Variants in CDC42BPB observed in about 807,000 individuals in gnomAD.
CDC42BPB encodes the protein serine/threonine-protein kinase MRCK beta.
Under a neutral mutation model 214.9 loss-of-function variants are expected in CDC42BPB, and 37 were observed. The ratio of observed to expected loss-of-function variants is 0.17; its 90% CI spans 0.13 to 0.23. CDC42BPB has a LOEUF of 0.23. Among genes scored for constraint, CDC42BPB ranks in the 10% least tolerant of loss-of-function variants. The probability of loss-of-function intolerance (pLI) is 1.00; values close to 1 mark genes in which losing one functional copy is unlikely to be tolerated. For missense variants in CDC42BPB, 1,694 were observed against 2,227.0 expected (o/e 0.76, Z 4.82); for synonymous variants, 931 against 884.0 (o/e 1.05, Z -0.94).
intron 28 of CDC42BPB, 117 bp from the exon 29 acceptor site, chr14:102,945,841 A>AC (rs1407415966): frequency 1.2e-6 from 1 of 832,242 alleles, no homozygotes. Flanking sequence ...GGATGAGAAT[A>AC]CAGCATTCCA....
chr14:103,036,991 T>G (rs562352381), intron 1 of CDC42BPB, among the ~76,000 whole-genome samples: 26 of 150,896 alleles, frequency 1.7e-4, no homozygotes, highest in African/African-American at 4.4e-4. Context: ...AATTTTTGTG[T>G]TTTTTTTTGT....
intron 26 of CDC42BPB, among the ~76,000 whole-genome samples, chr14:102,949,325 C>T (rs1892370514): frequency 1.3e-5 from 2 of 152,232 alleles, no homozygotes; most frequent in Admixed American, 6.5e-5. Flanking sequence ...ACATAGCAAA[C>T]GCTACGGCCA....
chr14:102,978,290 C>G (rs1893847828), intron 8 of CDC42BPB, 85 bp from the exon 9 acceptor site: 1 of 1,584,668 alleles, frequency 6.3e-7, no homozygotes, highest in South Asian at 1.2e-5. Flanking sequence ...GTCATGGTGA[C>G]AGGAGGCACT....
intron 6 of CDC42BPB, among the ~76,000 whole-genome samples, chr14:102,984,285 T>A (rs531298079): frequency 6.6e-6 from 1 of 152,162 alleles, no homozygotes; most frequent in African/African-American, 2.4e-5. Flanking sequence ...CTGATTTTCA[T>A]GTGCAGCACG....
chr14:103,051,579 C>A (rs1345919603), intron 1 of CDC42BPB, among the ~76,000 whole-genome samples: 2 of 152,202 alleles, frequency 1.3e-5, no homozygotes, highest in Admixed American at 1.3e-4. Context: ...TCTAAGGGCA[C>A]CTGGCTTGCG....
At chr14:102,973,157 C>T (rs965734095) in intron 12 of CDC42BPB, among the ~76,000 whole-genome samples, 1 of 152,220 alleles carries the variant, frequency 6.6e-6, no homozygotes, top group Admixed American at 6.5e-5. Context: ...AAGGGGAGGC[C>T]TCCCCAGGCC....
intron 21 of CDC42BPB, among the ~76,000 whole-genome samples, chr14:102,956,889 C>A (rs1192099830): frequency 6.7e-6 from 1 of 148,696 alleles, no homozygotes; most frequent in Non-Finnish European, 1.5e-5. Context: ...ATTTATAAAT[C>A]AATTATGGGC....
chr14:102,942,418 T>A (rs571863710), intron 30 of CDC42BPB, among the ~76,000 whole-genome samples: 1 of 152,214 alleles, frequency 6.6e-6, no homozygotes, highest in South Asian at 2.1e-4. Flanking sequence ...TGAGGGAGAA[T>A]GTCATTCCCC....
intron 1 of CDC42BPB, among the ~76,000 whole-genome samples, chr14:103,046,767 C>A (rs925108958): frequency 3.7e-4 from 56 of 152,042 alleles, no homozygotes; most frequent in African/African-American, 1.2e-3. Flanking sequence ...GATTCTCCTG[C>A]CTCAGCCACA....
chr14:102,966,976 A>G (rs1893235769), intron 17 of CDC42BPB, 70 bp downstream of exon 17: 1 of 1,548,484 alleles, frequency 6.5e-7, no homozygotes, highest in Non-Finnish European at 8.8e-7. Context: ...ATCAGGCAGA[A>G]GAGGCGGGGC....
Position 102,947,720 on chromosome 14 carries a change from C to T in CDC42BPB, c.3531+1G>A. 6.2e-7 allele frequency: 1 copy of T among 1,607,846 alleles called. No homozygotes were observed. The highest frequency in any genetic ancestry group is 8.5e-7 in the Non-Finnish European group (1 of 1,175,506). On this transcript the variant is annotated splice_donor_variant, in intron 27 of 36. Transcript: ENST00000361246. LOFTEE classifies it high-confidence loss of function. The stretch of plus-strand genomic sequence containing the variant: ...TAAAAAGATTAATGAAAAATTCATA[C>T]CCTGAATATACATGGAATATCTCGG...
chr14:102,947,242 G>A (rs1002669852), intron 27 of CDC42BPB, among the ~76,000 whole-genome samples: 1 of 152,166 alleles, frequency 6.6e-6, no homozygotes, highest in Non-Finnish European at 1.5e-5. Flanking sequence ...CAGTGGAGGG[G>A]GCTGGAGGGT....
At chr14:103,046,163 C>G (rs945190183) in intron 1 of CDC42BPB, among the ~76,000 whole-genome samples, 4 of 152,004 alleles carry the variant, frequency 2.6e-5, no homozygotes, top group Non-Finnish European at 4.4e-5. Context: ...CCTCCCCCAC[C>G]AGCCCTCCTC....
At chr14:102,980,566 T>C (rs1013841113) in intron 8 of CDC42BPB, among the ~76,000 whole-genome samples, 3 of 152,220 alleles carry the variant, frequency 2.0e-5, no homozygotes, top group Non-Finnish European at 4.4e-5. Flanking sequence ...ATGAGCTGTT[T>C]AACTGAATTT....
At chr14:102,945,636 A>T (rs1358743810) in intron 29 of CDC42BPB, 26 bp downstream of exon 29, 1 of 1,609,172 alleles carries the variant, frequency 6.2e-7, no homozygotes, top group Non-Finnish European at 8.5e-7. Flanking sequence ...GTGACATCCC[A>T]GGCTGGAAAC....
chr14:103,004,093 G>C lies in CDC42BPB; in HGVS notation c.352-70C>G, dbSNP rs1895122440. On this transcript the variant is annotated intron_variant, in intron 3 of 36. Transcript: ENST00000361246. The surrounding 1 kb of genome is among the most constrained non-coding windows in gnomAD (Gnocchi z 5.3). ...GGCCAGAGAGCGTACTGCCGGTCTC[G>C]GGGTCCCTCCTGGGACAGTGGCTCC... The C allele has an allele frequency of 2.0e-6, 3 of 1,493,452 alleles. No homozygotes were observed. Among genetic ancestry groups the C allele is most frequent in the Non-Finnish European group, 1.8e-6 (2 of 1,118,012 alleles). 92.5% of individuals were successfully genotyped at this position (1,493,452 alleles called of 1,614,324 possible).
intron 34 of CDC42BPB, among the ~76,000 whole-genome samples, chr14:102,939,060 C>T (rs1891768900): frequency 6.6e-6 from 1 of 152,180 alleles, no homozygotes; most frequent in South Asian, 2.1e-4. Context: ...CCTCAGCCTC[C>T]CCAGTAGCTG....
chr14:102,954,523 G>T (rs1245453229), intron 22 of CDC42BPB, 79 bp downstream of exon 22: 4 of 1,423,286 alleles, frequency 2.8e-6, no homozygotes, highest in Non-Finnish European at 3.9e-6. Flanking sequence ...TTATGCAGGG[G>T]CCAGGTGAGC....
At chr14:103,012,820 T>A (rs1355403347) in intron 1 of CDC42BPB, among the ~76,000 whole-genome samples, 2 of 151,946 alleles carry the variant, frequency 1.3e-5, no homozygotes, top group African/African-American at 2.4e-5. Context: ...AATAAATAAA[T>A]AAAAATAGAC....
Sources: gnomAD v4.1 joint callset for allele counts (sites outside exome capture counted in the v4.1 genomes callset) on GRCh38, gnomAD v4.1.1 for gene constraint, Gnocchi (gnomAD v3.1) non-coding constraint, MANE v1.5 for transcripts, NCBI Gene and HGNC (gene_info 2026-07-23, HGNC 2026-07-21) for gene names.